TNS1: variants seen among roughly 807,000 people sequenced by gnomAD.
TNS1 encodes tensin 1.
Under a neutral mutation model 168.6 loss-of-function variants are expected in TNS1, and 62 were observed. That is an observed-to-expected ratio of 0.37 (90% CI 0.30 to 0.45). TNS1 has a LOEUF of 0.45. Among genes scored for constraint, TNS1 ranks in the 20% least tolerant of loss-of-function variants. TNS1 has a pLI of 1.00. For missense variants in TNS1, 2,240 were observed against 2,339.4 expected, an observed-to-expected ratio of 0.96 and a Z score of 0.88; for synonymous variants, 934 against 933.2, an observed-to-expected ratio of 1.00 and a Z score of -0.02.
At chr2:217,885,516 G>A (rs6714429) in intron 15 of TNS1, among the ~76,000 whole-genome samples, 23,039 of 152,162 alleles carry the variant, frequency 0.15, 2,323 homozygotes, top group East Asian at 0.3. Context: ...AACAGCTCAC[G>A]CTGAGTGATA....
chr2:217,879,009 C>T (rs143094670), intron 18 of TNS1, among the ~76,000 whole-genome samples: 2 of 152,268 alleles, frequency 1.3e-5, no homozygotes, highest in African/African-American at 4.8e-5. Flanking sequence ...GCTCATCCTG[C>T]AAGGACAGAG....
At position 217,848,894 on chromosome 2, in the gene TNS1, G is replaced by T; in HGVS notation, c.1623C>A (p.Asp541Glu). 1.2e-6 allele frequency: 2 copies of T among 1,614,160 alleles called. No homozygotes were observed. The highest frequency in any genetic ancestry group is 1.7e-6 in the Non-Finnish European group (2 of 1,180,022). The change falls in exon 19 of 33, where the codon GAC becomes GAA. Residue 541 changes from aspartate (D) to glutamate (E), a missense_variant. Physicochemically the swap from Asp to Glu is conservative, Grantham distance 45. Around this residue, in one of 2 missense-constraint regions of TNS1, gnomAD observed 2,131 missense variants for 2,171.2 expected, o/e 0.98. Transcript: ENST00000682258. Reference sequence around the variant, plus strand: ...CCCCGGGGACAGGCTCGTCGGTCTTGTCGGTCTTGGTGGAGGCTGTGGAGT... The same window carrying T: ...CCCCGGGGACAGGCTCGTCGGTCTTTTCGGTCTTGGTGGAGGCTGTGGAGT... Reference protein sequence around the residue: ...SGNSTASTKTDKTDEPVPGAS... With the variant: ...SGNSTASTKTEKTDEPVPGAS...
At chr2:217,830,436 TA>T (rs1379513160) in intron 22 of TNS1, 2 of 1,607,224 alleles carry the variant, frequency 1.2e-6, no homozygotes, top group Non-Finnish European at 1.7e-6. Context: ...CACCCAGCCC[TA>T]AAACCAGAGT....
intron 19 of TNS1, among the ~76,000 whole-genome samples, chr2:217,836,503 A>G (rs1308530389): frequency 1.3e-5 from 2 of 152,210 alleles, no homozygotes; most frequent in Admixed American, 6.5e-5. Flanking sequence ...ACAGATGTCA[A>G]CTACTTCCAA....
At chr2:217,808,777 C>T in intron 30 of TNS1, 106 bp from the exon 31 acceptor site, 1 of 978,480 alleles carries the variant, frequency 1.0e-6, no homozygotes, top group Non-Finnish European at 1.6e-6. Flanking sequence ...GTGGCTATCG[C>T]AGGTCCACAC....
At chr2:217,858,462 A>G (rs1948427287) in intron 18 of TNS1, 3 of 955,440 alleles carry the variant, frequency 3.1e-6, no homozygotes, top group Non-Finnish European at 3.7e-6. Flanking sequence ...GAACACTCAC[A>G]GGCAAAACAA....
rs375902449 is a variant in TNS1 at position 217,959,779 on chromosome 2, T to C, written c.186+18986A>G. ...CCAAGGGAAGCAGCTGGGTGGGCAT[T>C]AGCCGGAGGACACAGAGGCAGCTGG... On this transcript the variant is annotated intron_variant, in intron 3 of 32. Coordinates refer to ENST00000682258, the MANE Select transcript of TNS1 (RefSeq NM_001387777.1). 2.1e-4 allele frequency among the ~76,000 whole-genome samples: 32 copies of C among 151,802 alleles called. No individual in the cohort carries two copies. In the East Asian group the frequency reaches 3.5e-3, roughly 17 times the overall value.
At chr2:217,904,835 T>C (rs1302014773) in intron 6 of TNS1, among the ~76,000 whole-genome samples, 1 of 152,212 alleles carries the variant, frequency 6.6e-6, no homozygotes, top group Non-Finnish European at 1.5e-5. Flanking sequence ...AGCTCTAGGA[T>C]GTGGCTCCTG....
chr2:217,919,849 G>A (rs369570900), intron 4 of TNS1, among the ~76,000 whole-genome samples: 29 of 152,336 alleles, frequency 1.9e-4, no homozygotes, highest in Middle Eastern at 6.8e-3. Flanking sequence ...TGCCTGACCC[G>A]GGACCAGGCA....
intron 21 of TNS1, among the ~76,000 whole-genome samples, chr2:217,834,214 TC>T (rs1452252033): frequency 2.0e-5 from 3 of 152,138 alleles, no homozygotes; most frequent in Non-Finnish European, 4.4e-5. Flanking sequence ...ATTGCCACAT[TC>T]CTCTCCAGTA....
At chr2:217,805,454 TCACACACACCAC>T (rs1314856097) in intron 32 of TNS1, among the ~76,000 whole-genome samples, 3 of 38,370 alleles carry the variant, frequency 7.8e-5, no homozygotes, top group Non-Finnish European at 1.5e-4. Flanking sequence ...ATACACACCA[TCACACACACCAC>T]CACACACACC....
intron 18 of TNS1, among the ~76,000 whole-genome samples, chr2:217,877,949 T>C (rs1950334144): frequency 6.6e-6 from 1 of 152,194 alleles, no homozygotes; most frequent in Non-Finnish European, 1.5e-5. Context: ...GTCTGGCCTC[T>C]ACTATCACCC....
At chr2:217,821,411 A>G (rs1401339022) in intron 23 of TNS1, among the ~76,000 whole-genome samples, 1 of 152,236 alleles carries the variant, frequency 6.6e-6, no homozygotes, top group Admixed American at 6.5e-5. Flanking sequence ...TGAGCCCACT[A>G]CATAAGTCAT....
chr2:217,900,571 C>G, intron 6 of TNS1, 59 bp from the exon 7 acceptor site: 1 of 1,490,950 alleles, frequency 6.7e-7, no homozygotes, highest in Non-Finnish European at 9.0e-7. Flanking sequence ...GCAGGAGGAG[C>G]ACACCAGAGA....
chr2:217,860,010 G>A (rs920215823), intron 18 of TNS1, among the ~76,000 whole-genome samples: 1 of 152,210 alleles, frequency 6.6e-6, no homozygotes. Flanking sequence ...GAGCTTCAGC[G>A]ACTGGTGTCT....
intron 15 of TNS1, 130 bp from the exon 16 acceptor site, chr2:217,885,294 C>T: frequency 7.9e-7 from 1 of 1,270,986 alleles, no homozygotes; most frequent in Non-Finnish European, 1.1e-6. Context: ...GAGAGCTCAT[C>T]AACACCAAAC....
intron 3 of TNS1, among the ~76,000 whole-genome samples, chr2:217,956,651 C>G (rs1017333594): frequency 6.6e-6 from 1 of 152,076 alleles, no homozygotes; most frequent in African/African-American, 2.4e-5. Flanking sequence ...CACACACTCA[C>G]ACACACACAG....
intron 24 of TNS1, chr2:217,815,291 A>G: frequency 2.9e-6 from 1 of 341,044 alleles, no homozygotes; most frequent in Admixed American, 3.9e-5. Context: ...AGGGACACCA[A>G]GGATGCTGGC....
At chr2:217,833,955 C>T in intron 21 of TNS1, among the ~76,000 whole-genome samples, 1 of 152,180 alleles carries the variant, frequency 6.6e-6, no homozygotes, top group Middle Eastern at 3.4e-3. Context: ...ACTTATTTGC[C>T]TATTGAAAGG....
Sources: allele counts gnomAD v4.1 joint callset (sites outside exome capture counted in the v4.1 genomes callset), GRCh38; gene constraint gnomAD v4.1.1; regional missense constraint gnomAD v4.1.1; transcripts MANE v1.5; gene names NCBI Gene and HGNC (gene_info 2026-07-23, HGNC 2026-07-21).